PHKB: variants seen among roughly 807,000 people sequenced by gnomAD.
The protein encoded by PHKB is phosphorylase b kinase regulatory subunit beta.
A neutral mutation model predicts 152.1 loss-of-function variants in PHKB; 122 were observed. That is an observed-to-expected ratio of 0.80 (90% confidence interval 0.69 to 0.93). The LOEUF is 0.93. PHKB is among the 40% of genes least tolerant of loss of function. The pLI is 0.00. For missense variants in PHKB, 1,304 were observed against 1,328.4 expected (o/e 0.98, Z 0.29); for synonymous variants, 436 against 464.9 (o/e 0.94, Z 0.80).
Position 47,588,966 on chromosome 16 carries a change from T to C in PHKB, c.932T>C (p.Val311Ala), listed in dbSNP as rs149685822. The C allele has an allele frequency of 1.0e-4, 162 of 1,613,902 alleles. 1 individual carries two copies. Among genetic ancestry groups the C allele is most frequent in the Admixed American group, 3.3e-5 (2 of 59,980 alleles). ...CCTGCATTTGCCCTGGATGATGAAG[T>C]TCTTTTTAGCCAGACACTTGATAAA... ...SYPAFALDDE[V>A]LFSQTLDKVV... Residue 311 changes from valine to alanine, a missense_variant, in exon 10 of 31, where the codon GTT becomes GCT. Transcript: ENST00000323584.
At chr16:47,620,813 G>A (rs948500130) in intron 14 of PHKB, among the ~76,000 whole-genome samples, 2 of 152,130 alleles carry the variant, frequency 1.3e-5, no homozygotes, top group Admixed American at 6.5e-5. Context: ...GGCAGAGGTT[G>A]CAGTGAGCCA....
At chr16:47,480,897 A>G (rs917480160) in intron 1 of PHKB, among the ~76,000 whole-genome samples, 1 of 152,184 alleles carries the variant, frequency 6.6e-6, no homozygotes, top group Non-Finnish European at 1.5e-5. Flanking sequence ...GCCAAACTAG[A>G]TGGTCTGAAT....
chr16:47,503,181 T>C (rs1166302622), intron 4 of PHKB, 91 bp downstream of exon 4: 7 of 944,296 alleles, frequency 7.4e-6, no homozygotes, highest in Non-Finnish European at 1.2e-5. Flanking sequence ...AAGAAGAATG[T>C]ACTTTTCAAA....
At chr16:47,692,613 CAAAT>C (rs71287505) in intron 27 of PHKB, among the ~76,000 whole-genome samples, 5,799 of 150,784 alleles carry the variant, frequency 0.038, 127 homozygotes, top group East Asian at 0.076. Context: ...AAGACCCTGT[CAAAT>C]AAATAAATAA....
chr16:47,566,435 C>T (rs1329696174), intron 7 of PHKB: 7 of 1,609,408 alleles, frequency 4.3e-6, no homozygotes, highest in African/African-American at 1.3e-5. Context: ...CATTGAGACT[C>T]AGGGCACTGA....
At chr16:47,528,397 T>G in intron 6 of PHKB, among the ~76,000 whole-genome samples, 1 of 152,190 alleles carries the variant, frequency 6.6e-6, no homozygotes, top group East Asian at 1.9e-4. Context: ...CTCTAGCTAG[T>G]TAGTTAATAG....
At chr16:47,688,016 T>C (rs1241595239) in intron 26 of PHKB, among the ~76,000 whole-genome samples, 1 of 152,236 alleles carries the variant, frequency 6.6e-6, no homozygotes, top group African/African-American at 2.4e-5. Context: ...TTTGAATACA[T>C]CTACCCTAAC....
intron 25 of PHKB, among the ~76,000 whole-genome samples, chr16:47,666,491 T>TA (rs1390670627): frequency 6.6e-6 from 1 of 152,232 alleles, no homozygotes; most frequent in African/African-American, 2.4e-5. Flanking sequence ...AGGCCATCTC[T>TA]AACCCCAGCT....
At chr16:47,693,840 C>T (rs1018947766) in intron 28 of PHKB, among the ~76,000 whole-genome samples, 4 of 152,150 alleles carry the variant, frequency 2.6e-5, no homozygotes, top group Non-Finnish European at 1.5e-5. Flanking sequence ...TTTTTAAAAA[C>T]CACATAGCCA....
At chr16:47,567,720 C>T (rs550238808) in intron 7 of PHKB, among the ~76,000 whole-genome samples, 2 of 152,098 alleles carry the variant, frequency 1.3e-5, no homozygotes, top group Non-Finnish European at 2.9e-5. Flanking sequence ...TTCTTCTATG[C>T]CTAGTTTGTT....
At chr16:47,595,695 T>C (rs1972106286) in intron 12 of PHKB, among the ~76,000 whole-genome samples, 1 of 152,224 alleles carries the variant, frequency 6.6e-6, no homozygotes, top group Non-Finnish European at 1.5e-5. Context: ...CCTCTGTGGC[T>C]CTAAGTATTT....
rs72800667 is a variant in PHKB, at chr16:47,581,021, A to T, written c.774+663A>T. Among the ~76,000 whole-genome samples, 941 of 152,310 alleles carry T rather than the reference A, an allele frequency of 6.2e-3. 16 individuals are homozygous for T. The highest frequency in any genetic ancestry group is 0.06 in the South Asian group (288 of 4,832). On this transcript the variant is annotated intron_variant, in intron 8 of 30. Coordinates refer to ENST00000323584, the MANE Select transcript of PHKB (RefSeq NM_000293.3). ...CTACTCTGGATCAAGAAGTAGGCCAATTTTCTTTAGCAGTTTTTATAAAGA... is the reference window on the plus strand; with the variant it reads ...CTACTCTGGATCAAGAAGTAGGCCATTTTTCTTTAGCAGTTTTTATAAAGA...
At chr16:47,611,031 G>T (rs370858991) in intron 14 of PHKB, 111 bp downstream of exon 14, 2 of 729,174 alleles carry the variant, frequency 2.7e-6, no homozygotes, top group Non-Finnish European at 5.0e-6. Flanking sequence ...TGACGGAAAG[G>T]TTTCTCCCTC....
chr16:47,541,246 GT>G (rs1971052632), intron 6 of PHKB, among the ~76,000 whole-genome samples: 1 of 152,138 alleles, frequency 6.6e-6, no homozygotes, highest in Non-Finnish European at 1.5e-5. Context: ...AACATGTGGT[GT>G]TTGGTTTTCT....
intron 26 of PHKB, among the ~76,000 whole-genome samples, chr16:47,682,086 A>T (rs1318203028): frequency 6.6e-6 from 1 of 152,122 alleles, no homozygotes. Flanking sequence ...AATGTTGAAT[A>T]TTGGCCCCCA....
chr16:47,631,507 C>T (rs1475259822), intron 14 of PHKB, among the ~76,000 whole-genome samples: 1 of 152,134 alleles, frequency 6.6e-6, no homozygotes, highest in Non-Finnish European at 1.5e-5. Flanking sequence ...ACTTTAAGTT[C>T]TGGGGTACAT....
In PHKB at chr16:47,660,486, C is replaced by A; in HGVS notation, c.1972-20C>A. The A allele has an allele frequency of 6.2e-7, 1 of 1,604,950 alleles. No individual in the cohort carries two copies. Among genetic ancestry groups the A allele is most frequent in the South Asian group, 1.1e-5 (1 of 90,892 alleles). On this transcript the variant is annotated intron_variant, in intron 20 of 30. Transcript: ENST00000323584. ...CTTGATGTATCTAAGAGTTTCTAAT[C>A]TTTTTCGATCACGTTTCAGACACTA...
chr16:47,589,803 G>C (rs1027627086), intron 10 of PHKB, among the ~76,000 whole-genome samples: 2 of 152,170 alleles, frequency 1.3e-5, no homozygotes, highest in African/African-American at 4.8e-5. Context: ...CTTTCCTTTT[G>C]AGATGGAGTC....
intron 29 of PHKB, among the ~76,000 whole-genome samples, chr16:47,697,985 GCT>G (rs1307766993): frequency 6.6e-6 from 1 of 152,080 alleles, no homozygotes. Flanking sequence ...TGGGTCCTGG[GCT>G]CCAGGTCGTT....
Sources: gnomAD v4.1 joint callset for allele counts (sites outside exome capture counted in the v4.1 genomes callset) on GRCh38, gnomAD v4.1.1 for gene constraint, MANE v1.5 for transcripts, NCBI Gene and HGNC (gene_info 2026-07-23, HGNC 2026-07-21) for gene names.